The following SH3GL2 variants were observed in gnomAD, a reference collection of about 807,000 sequenced individuals.
SH3GL2 encodes endophilin-A1.
SH3GL2 carries 24 observed loss-of-function variants against 46.0 expected under a neutral mutation model. The observed-to-expected ratio is 0.52, with a 90% CI of 0.38 to 0.73. The LOEUF is 0.73. Among genes scored for constraint, SH3GL2 ranks in the 30% least tolerant of loss-of-function variants. SH3GL2 has a pLI of 0.00. For synonymous variants in SH3GL2, 196 were observed against 147.1 expected, an observed-to-expected ratio of 1.33 and a Z score of -2.40; for missense variants, 413 against 424.2, an observed-to-expected ratio of 0.97 and a Z score of 0.23.
chr9:17,755,720 A>T, intron 2 of SH3GL2: 2 of 937,548 alleles, frequency 2.1e-6, no homozygotes, highest in South Asian at 9.9e-5. Context: ...GTGGTATCTA[A>T]TAGTATGAAA....
intron 1 of SH3GL2, among the ~76,000 whole-genome samples, chr9:17,678,467 C>G (rs1174658137): frequency 1.3e-5 from 2 of 152,130 alleles, no homozygotes; most frequent in African/African-American, 2.4e-5. Flanking sequence ...CCTTCGCCCA[C>G]TTTTTGATGG....
intron 1 of SH3GL2, among the ~76,000 whole-genome samples, chr9:17,725,455 T>A (rs1016705158): frequency 1.3e-5 from 2 of 152,124 alleles, no homozygotes; most frequent in Admixed American, 6.6e-5. Context: ...ATCTCCATTG[T>A]TTTTGACAAT....
intron 1 of SH3GL2, among the ~76,000 whole-genome samples, chr9:17,595,341 G>T (rs1392877553): frequency 2.6e-5 from 4 of 152,152 alleles, no homozygotes. Flanking sequence ...AGAGCAAGTG[G>T]CCAAGATACG....
intron 1 of SH3GL2, among the ~76,000 whole-genome samples, chr9:17,635,425 C>T (rs564379068): frequency 4.3e-4 from 66 of 151,992 alleles, no homozygotes; most frequent in Non-Finnish European, 8.4e-4. Flanking sequence ...TTCTTAGAGA[C>T]CTTCAAAGAA....
At chr9:17,580,145 C>G (rs1024570164) in intron 1 of SH3GL2, among the ~76,000 whole-genome samples, 9 of 152,158 alleles carry the variant, frequency 5.9e-5, no homozygotes, top group Non-Finnish European at 1.2e-4. Context: ...CGAATACTTA[C>G]GCTGTGACCT....
chr9:17,665,104 G>A (rs1020406060), intron 1 of SH3GL2, among the ~76,000 whole-genome samples: 1 of 151,932 alleles, frequency 6.6e-6, no homozygotes, highest in Non-Finnish European at 1.5e-5. Flanking sequence ...TGTCTCCCTC[G>A]TACACAAACT....
At chr9:17,747,496 T>G (rs16935960) in intron 2 of SH3GL2, among the ~76,000 whole-genome samples, 11,043 of 152,100 alleles carry the variant, frequency 0.073, 1,311 homozygotes, top group African/African-American at 0.25. Flanking sequence ...TGGGAGAGTT[T>G]AAGTCACTTT....
intron 1 of SH3GL2, among the ~76,000 whole-genome samples, chr9:17,692,679 A>C (rs551413464): frequency 1.3e-5 from 2 of 151,954 alleles, no homozygotes; most frequent in Admixed American, 6.6e-5. Flanking sequence ...TAGGGCAGCT[A>C]GGAGGGGCAG....
At chr9:17,580,559 A>G (rs961389787) in intron 1 of SH3GL2, among the ~76,000 whole-genome samples, 1 of 152,192 alleles carries the variant, frequency 6.6e-6, no homozygotes, top group Non-Finnish European at 1.5e-5. Context: ...AAGTAAGACT[A>G]TTTCTGTAAA....
intron 1 of SH3GL2, among the ~76,000 whole-genome samples, chr9:17,678,991 A>G (rs948611324): frequency 2.6e-5 from 4 of 152,062 alleles, no homozygotes; most frequent in African/African-American, 9.7e-5. Flanking sequence ...ATTGGTCTAT[A>G]TCTCTATTTT....
At chr9:17,610,216 C>T (rs1293765195) in intron 1 of SH3GL2, among the ~76,000 whole-genome samples, 2 of 152,146 alleles carry the variant, frequency 1.3e-5, no homozygotes, top group African/African-American at 4.8e-5. Flanking sequence ...AAGTGTCTGG[C>T]GTAGAGTAAG....
intron 1 of SH3GL2, among the ~76,000 whole-genome samples, chr9:17,678,103 A>G (rs1820662160): frequency 6.6e-6 from 1 of 152,170 alleles, no homozygotes; most frequent in Non-Finnish European, 1.5e-5. Flanking sequence ...GTATGTGTGC[A>G]TGTGTCTTTA....
intron 1 of SH3GL2, among the ~76,000 whole-genome samples, chr9:17,733,171 A>C (rs1822228528): frequency 6.6e-6 from 1 of 152,152 alleles, no homozygotes. Flanking sequence ...TGTCAGAAAT[A>C]TAATCCTTCA....
intron 1 of SH3GL2, among the ~76,000 whole-genome samples, chr9:17,741,900 A>G (rs1013238314): frequency 1.3e-5 from 2 of 152,142 alleles, no homozygotes; most frequent in African/African-American, 4.8e-5. Flanking sequence ...GGGGAGTCAC[A>G]GATGATGGAG....
At chr9:17,778,807 G>T (rs1823718635) in intron 3 of SH3GL2, among the ~76,000 whole-genome samples, 1 of 152,082 alleles carries the variant, frequency 6.6e-6, no homozygotes, top group African/African-American at 2.4e-5. Context: ...TTGCATATTA[G>T]GCAAGAGAGA....
At chr9:17,642,592 C>G (rs1819710718) in intron 1 of SH3GL2, among the ~76,000 whole-genome samples, 1 of 152,176 alleles carries the variant, frequency 6.6e-6, no homozygotes, top group Non-Finnish European at 1.5e-5. Context: ...TTTCCCAACA[C>G]CATTGATTAA....
At chr9:17,727,838 C>G (rs1374328058) in intron 1 of SH3GL2, among the ~76,000 whole-genome samples, 3 of 152,232 alleles carry the variant, frequency 2.0e-5, no homozygotes, top group Admixed American at 6.5e-5. Context: ...CCCCACCCCT[C>G]TCTTCTGGCT....
chr9:17,693,718 A>G (rs984002281), intron 1 of SH3GL2, among the ~76,000 whole-genome samples: 7 of 152,198 alleles, frequency 4.6e-5, no homozygotes, highest in South Asian at 2.1e-4. Flanking sequence ...CAAAGTTGCT[A>G]AGAACTCCAG....
At chr9:17,712,263 G>C (rs1021980622) in intron 1 of SH3GL2, among the ~76,000 whole-genome samples, 1 of 151,648 alleles carries the variant, frequency 6.6e-6, no homozygotes, top group African/African-American at 2.4e-5. Flanking sequence ...TCTATGGCTT[G>C]ACTATTTTCC....
Sources: allele counts gnomAD v4.1 joint callset (sites outside exome capture counted in the v4.1 genomes callset), GRCh38; gene constraint gnomAD v4.1.1; transcripts MANE v1.5; gene names NCBI Gene and HGNC (gene_info 2026-07-23, HGNC 2026-07-21).